PCDHA5: variants seen among roughly 807,000 people sequenced by gnomAD.
PCDHA5 encodes the protein protocadherin alpha 5.
Under a neutral mutation model 61.6 loss-of-function variants are expected in PCDHA5, and 43 were observed. The observed-to-expected ratio is 0.70, with a 90% CI of 0.55 to 0.90. The LOEUF (loss-of-function observed/expected upper bound fraction) is 0.90, where lower values mean the gene tolerates loss of function less well. PCDHA5 is among the 40% of genes least tolerant of loss of function. The pLI, the probability that PCDHA5 is intolerant of heterozygous loss-of-function variation, is 0.00. For synonymous variants in PCDHA5, 627 were observed against 543.9 expected (o/e 1.15, Z -2.13); for missense variants, 1,298 against 1,222.7 (o/e 1.06, Z -0.92).
chr5:140,849,276 G>T, intron 1 of PCDHA5: 1 of 1,173,354 alleles, frequency 8.5e-7, no homozygotes, highest in Non-Finnish European at 1.2e-6. Flanking sequence ...CGGAACGCTG[G>T]TGATTCACCC....
At chr5:140,965,196 AG>A (rs2095879471) in intron 1 of PCDHA5, among the ~76,000 whole-genome samples, 3 of 152,254 alleles carry the variant, frequency 2.0e-5, no homozygotes, top group Non-Finnish European at 4.4e-5. Flanking sequence ...ATGAGGCAAT[AG>A]ATTTCAAATT....
rs76093196 is a variant in PCDHA5, at chr5:140,971,173, C to G, written c.2353-7776C>G. Reference sequence around the variant, plus strand: ...AGGCCAGGCTCAGCTTTGCCACCAGCTGTAAGCCGGAAGCTCAGAGGAAAG... The same window carrying G: ...AGGCCAGGCTCAGCTTTGCCACCAGGTGTAAGCCGGAAGCTCAGAGGAAAG... On this transcript the variant is annotated intron_variant, in intron 1 of 3. Transcript: ENST00000529859. Among the ~76,000 whole-genome samples the G allele has an allele frequency of 3.8e-3, 583 of 152,260 alleles. 1 individual carries two copies. Among genetic ancestry groups the G allele is most frequent in the Non-Finnish European group, 7.2e-3 (492 of 68,018 alleles).
chr5:140,851,865 A>G, intron 1 of PCDHA5: 3 of 976,808 alleles, frequency 3.1e-6, no homozygotes, highest in Non-Finnish European at 3.7e-6. Context: ...CTCATACATA[A>G]CACAAGGCAG....
intron 3 of PCDHA5, among the ~76,000 whole-genome samples, chr5:140,999,024 T>C (rs17119348): frequency 0.023 from 3,497 of 152,332 alleles, 138 homozygotes; most frequent in African/African-American, 0.08. Context: ...CCAAGACTTT[T>C]GATACTTCGT....
chr5:140,843,527 A>G (rs1554140180), intron 1 of PCDHA5: 2 of 1,595,944 alleles, frequency 1.3e-6, no homozygotes, highest in East Asian at 4.5e-5. Context: ...CCGGGCGGGC[A>G]AGCCCACTCT....
chr5:140,975,216 G>C (rs1349439819), intron 1 of PCDHA5, among the ~76,000 whole-genome samples: 1 of 152,198 alleles, frequency 6.6e-6, no homozygotes, highest in Admixed American at 6.5e-5. Flanking sequence ...TGGCACTGGA[G>C]AATCTTCCCT....
At chr5:141,009,147 C>A (rs1193433198) in intron 3 of PCDHA5, among the ~76,000 whole-genome samples, 1 of 152,332 alleles carries the variant, frequency 6.6e-6, no homozygotes, top group Admixed American at 6.5e-5. Flanking sequence ...AACCTGCCCT[C>A]TTGCTTGTCT....
intron 1 of PCDHA5, chr5:140,968,169 G>A (rs781969621): frequency 6.8e-6 from 11 of 1,613,982 alleles, no homozygotes; most frequent in African/African-American, 1.3e-5. Context: ...AATCCACCAA[G>A]CTTCCTGGAG....
intron 1 of PCDHA5, chr5:140,862,477 A>G (rs1227905551): frequency 2.6e-6 from 1 of 379,090 alleles, no homozygotes; most frequent in African/African-American, 2.1e-5. Context: ...AAATCTATCC[A>G]TTGTTGGTAA....
rs1255289031 is a variant in PCDHA5 at position 141,010,188 on chromosome 5, T to C, written c.*251T>C. On this transcript the variant is annotated 3_prime_UTR_variant, in exon 4 of 4. Transcript: ENST00000529859. Reference sequence around the variant, plus strand: ...CAGAACCTAAAAAGCAGACCCAAGTTTCCTTTCTCCTCCGCCGCAAAGGAG... The same window carrying C: ...CAGAACCTAAAAAGCAGACCCAAGTCTCCTTTCTCCTCCGCCGCAAAGGAG... 1.3e-6 allele frequency: 2 copies of C among 1,552,952 alleles called. No individual in the cohort carries two copies. Among genetic ancestry groups the C allele is most frequent in the Non-Finnish European group, 8.7e-7 (1 of 1,147,482 alleles).
In PCDHA5 at chr5:140,822,757, C is replaced by G. The variant is rs2150119240; in HGVS notation, c.982C>G (p.Pro328Ala). The change falls in exon 1 of 4, where the codon CCA (proline) becomes GCA (alanine). Residue 328 changes from proline to alanine, a missense_variant. Physicochemically the swap from Pro to Ala is conservative, Grantham distance 27 (BLOSUM62 -1). Transcript: ENST00000529859. Reference sequence around the variant, plus strand: ...TGATGCCATGGATAAAAGTACATTCCCATTATCAGGACACTGTAAAGTAGT... The same window carrying G: ...TGATGCCATGGATAAAAGTACATTCGCATTATCAGGACACTGTAAAGTAGT... The part of the protein sequence containing the change: ...NIDAMDKSTF[P>A]LSGHCKVVVK... The G allele has an allele frequency of 5.7e-5, 92 of 1,613,752 alleles. No homozygotes were observed. The highest frequency in any genetic ancestry group is 8.0e-5 in the African/African-American group (6 of 74,906).
chr5:140,905,664 T>A (rs1456741391), intron 1 of PCDHA5, among the ~76,000 whole-genome samples: 1 of 152,246 alleles, frequency 6.6e-6, no homozygotes, highest in African/African-American at 2.4e-5. Flanking sequence ...CTGTCATCCA[T>A]TAACATGGAA....
chr5:140,829,401 C>T (rs2150167195), intron 1 of PCDHA5: 15 of 1,614,092 alleles, frequency 9.3e-6, no homozygotes, highest in Non-Finnish European at 1.3e-5. Context: ...TCGCTGTGGG[C>T]CACCGCCAGC....
At chr5:140,846,469 G>T (rs1554141344) in intron 1 of PCDHA5, among the ~76,000 whole-genome samples, 1 of 143,096 alleles carries the variant, frequency 7.0e-6, no homozygotes, top group Non-Finnish European at 1.5e-5. Flanking sequence ...CTGCCTCCCG[G>T]GTTCAAATGA....
At chr5:141,007,806 T>G (rs979059299) in intron 3 of PCDHA5, among the ~76,000 whole-genome samples, 12 of 152,220 alleles carry the variant, frequency 7.9e-5, no homozygotes, top group Non-Finnish European at 1.3e-4. Context: ...TATCTGCCAT[T>G]CATTTGCCTT....
intron 1 of PCDHA5, among the ~76,000 whole-genome samples, chr5:140,919,300 C>A (rs547709389): frequency 6.6e-6 from 1 of 152,248 alleles, no homozygotes; most frequent in African/African-American, 2.4e-5. Flanking sequence ...GCTGTTTGTA[C>A]AATATATGTT....
chr5:140,914,944 CTTTTT>C (rs35695909), intron 1 of PCDHA5, among the ~76,000 whole-genome samples: 1 of 128,266 alleles, frequency 7.8e-6, no homozygotes, highest in Non-Finnish European at 1.7e-5. Context: ...GAAAAGTTGT[CTTTTT>C]TTTTTTTTTT....
At position 141,011,610 on chromosome 5, in the gene PCDHA5, A is replaced by G. The variant is rs1259686391; in HGVS notation, c.*1673A>G. ...ACTGGTGATTCAAGGAATTTTATTT[A>G]TGGTCCAGCCAAGAGCCATCTCGTG... On this transcript the variant is annotated 3_prime_UTR_variant, in exon 4 of 4. Transcript: ENST00000529859. 6 of 153,722 alleles carry G rather than the reference A, an allele frequency of 3.9e-5. No individual in the cohort carries two copies. Among genetic ancestry groups the G allele is most frequent in the African/African-American group, 1.2e-4 (5 of 41,448 alleles). 9.5% of individuals were successfully genotyped at this position (153,722 alleles called of 1,614,324 possible). A position where few individuals can be genotyped will look rare whatever the true frequency, so the allele number is the denominator to read the frequency against.
chr5:140,823,834 G>T lies in PCDHA5; in HGVS notation c.2059G>T (p.Gly687Cys), dbSNP rs1197490910. The change falls in exon 1 of 4, where the codon GGT becomes TGT. Residue 687 changes from glycine (G) to cysteine (C), a missense_variant. Transcript: ENST00000529859. ...ATCGCGGGCGTCGGCGGGCGCTGTGGGTCCCGAGGCTGCCCTGGTGGATGT... is the reference window on the plus strand; with the variant it reads ...ATCGCGGGCGTCGGCGGGCGCTGTGTGTCCCGAGGCTGCCCTGGTGGATGT... ...ASSRASAGAV[G>C]PEAALVDVNV... 3 of 1,613,838 alleles carry T rather than the reference G, an allele frequency of 1.9e-6. No homozygotes were observed. Among genetic ancestry groups the T allele is most frequent in the East Asian group, 4.5e-5 (2 of 44,870 alleles).
Sources: allele counts gnomAD v4.1 joint callset (sites outside exome capture counted in the v4.1 genomes callset), GRCh38; gene constraint gnomAD v4.1.1; transcripts MANE v1.5; gene names NCBI Gene and HGNC (gene_info 2026-07-23, HGNC 2026-07-21).